ZRANB3: variants seen among roughly 807,000 people sequenced by gnomAD.
ZRANB3 encodes DNA annealing helicase and endonuclease ZRANB3.
ZRANB3 carries 125 observed loss-of-function variants against 133.8 expected under a neutral mutation model. That is an observed-to-expected ratio of 0.93 (90% CI 0.81 to 1.08). ZRANB3 has a LOEUF of 1.08. Ranked by LOEUF, ZRANB3 falls within the 50% of genes least tolerant of loss-of-function variation. The probability of loss-of-function intolerance (pLI) is 0.00; values close to 1 mark genes in which losing one functional copy is unlikely to be tolerated. For synonymous variants in ZRANB3, 387 were observed against 432.7 expected (o/e 0.89, Z 1.31); for missense variants, 1,229 against 1,275.5 (o/e 0.96, Z 0.56).
intron 2 of ZRANB3, among the ~76,000 whole-genome samples, chr2:135,482,662 G>A (rs1691882186): frequency 1.3e-5 from 2 of 152,170 alleles, no homozygotes; most frequent in African/African-American, 4.8e-5. Context: ...TGTTGAATAG[G>A]AATGGTGAGA....
intron 3 of ZRANB3, among the ~76,000 whole-genome samples, chr2:135,388,320 T>A (rs1687073293): frequency 6.6e-6 from 1 of 152,092 alleles, no homozygotes; most frequent in South Asian, 2.1e-4. Context: ...AAGATGAGAT[T>A]TGGGTGGGGA....
At chr2:135,457,461 CACTT>C (rs1359752188) in intron 2 of ZRANB3, among the ~76,000 whole-genome samples, 3 of 152,106 alleles carry the variant, frequency 2.0e-5, no homozygotes, top group Non-Finnish European at 4.4e-5. Context: ...TCCTTGTCAA[CACTT>C]ACTATTGTCT....
At chr2:135,492,288 C>G (rs1303222412) in intron 2 of ZRANB3, among the ~76,000 whole-genome samples, 1 of 152,050 alleles carries the variant, frequency 6.6e-6, no homozygotes, top group Non-Finnish European at 1.5e-5. Context: ...GAAACCTAAC[C>G]TTGTAACATA....
intron 6 of ZRANB3, among the ~76,000 whole-genome samples, chr2:135,320,076 C>CTAGA (rs1328488791): frequency 6.6e-6 from 1 of 152,052 alleles, no homozygotes; most frequent in East Asian, 1.9e-4. Flanking sequence ...GTTGCCCAGG[C>CTAGA]TAGAATACAG....
chr2:135,353,947 T>C (rs949931437), intron 3 of ZRANB3, among the ~76,000 whole-genome samples: 3 of 152,058 alleles, frequency 2.0e-5, no homozygotes, highest in African/African-American at 7.2e-5. Context: ...GACGCTACAG[T>C]GAGCCTAGAC....
intron 2 of ZRANB3, among the ~76,000 whole-genome samples, chr2:135,403,437 G>A (rs967944610): frequency 6.6e-6 from 1 of 152,236 alleles, no homozygotes; most frequent in Admixed American, 6.5e-5. Flanking sequence ...GGCTTGAGTA[G>A]GTAAACAAAC....
At chr2:135,207,164 T>C (rs934618978) in intron 19 of ZRANB3, among the ~76,000 whole-genome samples, 1 of 147,878 alleles carries the variant, frequency 6.8e-6, no homozygotes, top group African/African-American at 2.6e-5. Flanking sequence ...AAACTCTGTC[T>C]CCAAAATAAA....
At chr2:135,426,875 T>TAC in intron 2 of ZRANB3, among the ~76,000 whole-genome samples, 1 of 31,356 alleles carries the variant, frequency 3.2e-5, no homozygotes, top group South Asian at 2.4e-3. Context: ...TATATATATA[T>TAC]ATATATATAT....
At chr2:135,430,382 T>A (rs1689266770) in intron 2 of ZRANB3, among the ~76,000 whole-genome samples, 1 of 151,970 alleles carries the variant, frequency 6.6e-6, no homozygotes, top group South Asian at 2.1e-4. Flanking sequence ...GAGTTTAGTT[T>A]TACTTCAATA....
chr2:135,201,777 G>C (rs933521087), intron 20 of ZRANB3, among the ~76,000 whole-genome samples: 10 of 151,684 alleles, frequency 6.6e-5, no homozygotes, highest in African/African-American at 2.4e-4. Context: ...TAAAAACATC[G>C]ATGTCTTTAG....
intron 3 of ZRANB3, among the ~76,000 whole-genome samples, chr2:135,364,963 C>T (rs1408446148): frequency 6.6e-6 from 1 of 151,752 alleles, no homozygotes; most frequent in Non-Finnish European, 1.5e-5. Flanking sequence ...GCAGAAGAAT[C>T]GCTTGAACCT....
intron 18 of ZRANB3, 23 bp from the exon 19 acceptor site, chr2:135,207,859 A>G (rs1481180676): frequency 3.8e-6 from 6 of 1,572,814 alleles, no homozygotes; most frequent in Admixed American, 1.8e-5. Flanking sequence ...AAAACACTGA[A>G]TAGGTAACTA....
chr2:135,403,295 CAGG>C (rs1169833935), intron 2 of ZRANB3, among the ~76,000 whole-genome samples: 1 of 152,108 alleles, frequency 6.6e-6, no homozygotes, highest in Non-Finnish European at 1.5e-5. Flanking sequence ...AATGGCACAC[CAGG>C]AGATTATATC....
chr2:135,403,814 C>A (rs1687864151), intron 2 of ZRANB3, among the ~76,000 whole-genome samples: 1 of 152,216 alleles, frequency 6.6e-6, no homozygotes, highest in African/African-American at 2.4e-5. Flanking sequence ...TGTTCTGCAG[C>A]CTCCGCTGCT....
intron 6 of ZRANB3, among the ~76,000 whole-genome samples, chr2:135,335,665 C>T (rs1342368750): frequency 2.0e-5 from 3 of 151,900 alleles, no homozygotes; most frequent in Admixed American, 1.3e-4. Context: ...TGCACTCCAA[C>T]CCAGGCAAAA....
chr2:135,519,994 CAAGCAGT>C (rs902026725), intron 1 of ZRANB3, among the ~76,000 whole-genome samples: 4 of 152,042 alleles, frequency 2.6e-5, no homozygotes, highest in Non-Finnish European at 5.9e-5. Flanking sequence ...AGGAAGGAAG[CAAGCAGT>C]AAGGAATTCT....
chr2:135,219,871 T>C (rs1694463664), intron 15 of ZRANB3, among the ~76,000 whole-genome samples: 1 of 151,880 alleles, frequency 6.6e-6, no homozygotes, highest in Admixed American at 6.6e-5. Flanking sequence ...CCTGAAATCT[T>C]TTTTTTCCCT....
At chr2:135,350,881 A>T (rs985117715) in intron 4 of ZRANB3, among the ~76,000 whole-genome samples, 1 of 152,160 alleles carries the variant, frequency 6.6e-6, no homozygotes, top group Non-Finnish European at 1.5e-5. Flanking sequence ...TGATCTTTAG[A>T]TTTCTATAAT....
intron 5 of ZRANB3, among the ~76,000 whole-genome samples, chr2:135,347,705 C>A (rs72982398): frequency 0.056 from 8,573 of 152,188 alleles, 463 homozygotes; most frequent in African/African-American, 0.14. Flanking sequence ...AATATGACAA[C>A]ATATTCAGAA....
Sources: allele counts gnomAD v4.1 joint callset (sites outside exome capture counted in the v4.1 genomes callset), GRCh38; gene constraint gnomAD v4.1.1; transcripts MANE v1.5; gene names NCBI Gene and HGNC (gene_info 2026-07-23, HGNC 2026-07-21).